LSAMP: variants seen among roughly 807,000 people sequenced by gnomAD.
LSAMP encodes the protein limbic system associated membrane protein, also known as limbic system-associated membrane protein.
A neutral mutation model predicts 38.6 loss-of-function variants in LSAMP; 7 were observed. The ratio of observed to expected loss-of-function variants is 0.18; its 90% confidence interval spans 0.10 to 0.34. The LOEUF (loss-of-function observed/expected upper bound fraction) is 0.34, where lower values mean the gene tolerates loss of function less well. Among genes scored for constraint, LSAMP ranks in the 10% least tolerant of loss-of-function variants. The pLI, the probability that LSAMP is intolerant of heterozygous loss-of-function variation, is 1.00. For synonymous variants in LSAMP, 154 were observed against 166.8 expected, an observed-to-expected ratio of 0.92 and a Z score of 0.59; for missense variants, 313 against 420.0, an observed-to-expected ratio of 0.75 and a Z score of 2.23.
chr3:116,437,410 T>A (rs576885464), intron 1 of LSAMP, among the ~76,000 whole-genome samples: 132 of 151,430 alleles, frequency 8.7e-4, no homozygotes, highest in African/African-American at 3.1e-3. Context: ...GAAAAAAAAA[T>A]AATAAAAACC....
At chr3:116,051,691 C>T (rs967060306) in intron 2 of LSAMP, among the ~76,000 whole-genome samples, 2 of 152,112 alleles carry the variant, frequency 1.3e-5, no homozygotes, top group Non-Finnish European at 2.9e-5. Flanking sequence ...GGCTTCTTGA[C>T]CAGATCTGGC....
At chr3:115,833,344 C>T (rs1025139478) in intron 6 of LSAMP, among the ~76,000 whole-genome samples, 1 of 143,118 alleles carries the variant, frequency 7.0e-6, no homozygotes, top group Non-Finnish European at 1.5e-5. Flanking sequence ...AAACAGATTT[C>T]ATTGTTTTAG....
intron 1 of LSAMP, among the ~76,000 whole-genome samples, chr3:116,296,019 T>C (rs569339929): frequency 6.6e-6 from 1 of 152,310 alleles, no homozygotes; most frequent in East Asian, 1.9e-4. Flanking sequence ...TGTCTGTGTG[T>C]GCTGGAAGAG....
At chr3:116,353,476 A>G (rs1007970436) in intron 1 of LSAMP, among the ~76,000 whole-genome samples, 28 of 152,086 alleles carry the variant, frequency 1.8e-4, no homozygotes, top group African/African-American at 6.3e-4. Context: ...AGGACCATGC[A>G]CTTCTTGAAG....
chr3:115,966,489 A>C (rs569466144), intron 3 of LSAMP, among the ~76,000 whole-genome samples: 2 of 152,340 alleles, frequency 1.3e-5, no homozygotes, highest in South Asian at 4.1e-4. Flanking sequence ...TAAAGTTAAA[A>C]GTGTGCAAAT....
intron 6 of LSAMP, chr3:115,834,482 C>A: frequency 9.7e-7 from 1 of 1,030,174 alleles, no homozygotes; most frequent in African/African-American, 1.7e-5. Flanking sequence ...ATGTGTTTTC[C>A]CCCCTTTGTG....
intron 1 of LSAMP, among the ~76,000 whole-genome samples, chr3:116,275,439 T>C (rs910759687): frequency 6.6e-6 from 1 of 152,176 alleles, no homozygotes; most frequent in Middle Eastern, 3.2e-3. Flanking sequence ...GTCATTTTTA[T>C]AGGAAAAATC....
At chr3:116,046,699 T>G (rs1351268953) in intron 2 of LSAMP, among the ~76,000 whole-genome samples, 1 of 152,214 alleles carries the variant, frequency 6.6e-6, no homozygotes, top group Non-Finnish European at 1.5e-5. Context: ...TAGGGAGCCT[T>G]GGCAGTTGTG....
chr3:116,168,639 A>G (rs909903860), intron 1 of LSAMP, among the ~76,000 whole-genome samples: 16 of 152,124 alleles, frequency 1.1e-4, no homozygotes, highest in Admixed American at 7.9e-4. Context: ...TGGCTATGCA[A>G]TAGGTGTTTG....
At chr3:116,256,563 T>C (rs1199908683) in intron 1 of LSAMP, among the ~76,000 whole-genome samples, 1 of 152,180 alleles carries the variant, frequency 6.6e-6, no homozygotes, top group African/African-American at 2.4e-5. Flanking sequence ...TGCCTTTATC[T>C]GTAATTATAT....
chr3:116,065,392 T>C (rs1707402305), intron 2 of LSAMP, among the ~76,000 whole-genome samples: 2 of 152,212 alleles, frequency 1.3e-5, no homozygotes, highest in Non-Finnish European at 1.5e-5. Context: ...TATTTTAGTT[T>C]TTATATTTGG....
chr3:115,830,131 A>G (rs1934562030), intron 6 of LSAMP, among the ~76,000 whole-genome samples: 1 of 152,220 alleles, frequency 6.6e-6, no homozygotes, highest in African/African-American at 2.4e-5. Flanking sequence ...TGATTAATAG[A>G]GGTGTATATG....
chr3:116,278,921 G>A (rs2047090080), intron 1 of LSAMP, among the ~76,000 whole-genome samples: 1 of 152,142 alleles, frequency 6.6e-6, no homozygotes, highest in South Asian at 2.1e-4. Context: ...TGCTCCAAGG[G>A]CAGCCAAGGA....
intron 1 of LSAMP, among the ~76,000 whole-genome samples, chr3:116,190,954 T>A (rs565922504): frequency 6.6e-6 from 1 of 152,332 alleles, no homozygotes; most frequent in African/African-American, 2.4e-5. Context: ...TGAGGCTGTG[T>A]CAAATTTAGT....
intron 1 of LSAMP, among the ~76,000 whole-genome samples, chr3:116,310,013 A>T (rs1266328579): frequency 2.0e-5 from 3 of 152,154 alleles, no homozygotes; most frequent in African/African-American, 7.2e-5. Flanking sequence ...GCAGAGAGAA[A>T]GGTTTGTCTC....
intron 3 of LSAMP, among the ~76,000 whole-genome samples, chr3:115,898,505 T>G (rs370710942): frequency 4.6e-5 from 7 of 151,862 alleles, no homozygotes; most frequent in East Asian, 3.9e-4. Flanking sequence ...GAAAGTAGAT[T>G]TGAGAATTCA....
chr3:115,826,276 G>A (rs1048380696), intron 6 of LSAMP, among the ~76,000 whole-genome samples: 8 of 151,890 alleles, frequency 5.3e-5, no homozygotes, highest in African/African-American at 1.5e-4. Flanking sequence ...CACCACGCCC[G>A]GCTAATTTTT....
At chr3:116,289,938 T>C (rs989824582) in intron 1 of LSAMP, among the ~76,000 whole-genome samples, 1 of 152,250 alleles carries the variant, frequency 6.6e-6, no homozygotes, top group Non-Finnish European at 1.5e-5. Context: ...CTGTATGAAC[T>C]AGTTACTTGC....
chr3:116,085,202 CA>C (rs754214775), intron 2 of LSAMP, among the ~76,000 whole-genome samples: 59 of 152,262 alleles, frequency 3.9e-4, no homozygotes, highest in Non-Finnish European at 7.9e-4. Flanking sequence ...CATGCCTTTA[CA>C]AGCAATAAAA....
Sources: allele counts gnomAD v4.1 joint callset (sites outside exome capture counted in the v4.1 genomes callset), GRCh38; gene constraint gnomAD v4.1.1; transcripts MANE v1.5; gene names NCBI Gene and HGNC (gene_info 2026-07-23, HGNC 2026-07-21).